PDE11A: variants seen among roughly 807,000 people sequenced by gnomAD.
The protein encoded by PDE11A is dual 3',5'-cyclic-AMP and -GMP phosphodiesterase 11A.
Under a neutral mutation model 100.5 loss-of-function variants are expected in PDE11A, and 100 were observed. The observed-to-expected ratio is 1.00, with a 90% CI of 0.85 to 1.18. PDE11A has a LOEUF of 1.18. Ranked by LOEUF, PDE11A falls within the 50% of genes most tolerant of loss-of-function variation. The probability of loss-of-function intolerance (pLI) is 0.00; values close to 1 mark genes in which losing one functional copy is unlikely to be tolerated. For synonymous variants in PDE11A, 381 were observed against 420.8 expected (o/e 0.91, Z 1.16); for missense variants, 1,141 against 1,152.6 (o/e 0.99, Z 0.15).
intron 2 of PDE11A, among the ~76,000 whole-genome samples, chr2:177,915,774 C>T (rs549952070): frequency 1.3e-5 from 2 of 152,338 alleles, no homozygotes; most frequent in African/African-American, 4.8e-5. Context: ...AACTGCTAAG[C>T]TGTCTTCCAA....
chr2:177,894,595 G>C (rs528579125), intron 4 of PDE11A, among the ~76,000 whole-genome samples: 142 of 152,268 alleles, frequency 9.3e-4, no homozygotes, highest in African/African-American at 3.0e-3. Context: ...CCGTTTTGGA[G>C]TTCATACACA....
chr2:177,881,292 C>T, intron 4 of PDE11A, among the ~76,000 whole-genome samples: 1 of 151,870 alleles, frequency 6.6e-6, no homozygotes, highest in Non-Finnish European at 1.5e-5. Flanking sequence ...ATTATGTGAG[C>T]CAATTCCTAG....
At chr2:178,073,338 G>A (rs1002124714), upstream of PDE11A, among the ~76,000 whole-genome samples, 2 of 152,158 alleles carry the variant, frequency 1.3e-5, no homozygotes, top group Non-Finnish European at 2.9e-5. Flanking sequence ...AGCAAATAAA[G>A]TTTCCGATGT....
At chr2:177,665,889 T>C (rs1289942012) in intron 18 of PDE11A, among the ~76,000 whole-genome samples, 2 of 152,046 alleles carry the variant, frequency 1.3e-5, no homozygotes, top group African/African-American at 4.8e-5. Context: ...TGTTTTCTTT[T>C]CTCTATAGTT....
intron 1 of PDE11A, among the ~76,000 whole-genome samples, chr2:178,061,392 A>T (rs548500751): frequency 6.6e-6 from 1 of 152,248 alleles, no homozygotes; most frequent in South Asian, 2.1e-4. Flanking sequence ...TCCAACAAAG[A>T]ATTATCTGTC....
chr2:178,051,474 T>C (rs1192576622), intron 1 of PDE11A, among the ~76,000 whole-genome samples: 1 of 152,156 alleles, frequency 6.6e-6, no homozygotes, highest in Non-Finnish European at 1.5e-5. Flanking sequence ...CCAGCTAACA[T>C]CATAATGACA....
Position 177,845,106 on chromosome 2 carries a change from T to C in PDE11A, c.1368-4723A>G, listed in dbSNP as rs1242125503. Among the ~76,000 whole-genome samples the C allele has an allele frequency of 2.3e-3, 323 of 138,356 alleles. 4 individuals are homozygous for C. Among genetic ancestry groups the C allele is most frequent in the Non-Finnish European group, 4.1e-3 (261 of 63,122 alleles). The allele number at this position is 138,356 out of a possible 152,430, so 90.8% of individuals were successfully genotyped here. On this transcript the variant is annotated intron_variant, in intron 5 of 19. Transcript: ENST00000286063. ...GGCAGAGGGGCTCCTCACTTCCCAG[T>C]AGGGGCAGCCGGGCAGAGGCGCTCC...
intron 2 of PDE11A, among the ~76,000 whole-genome samples, chr2:178,091,134 A>C (rs2087417761): frequency 6.6e-6 from 1 of 152,156 alleles, no homozygotes; most frequent in Non-Finnish European, 1.5e-5. Flanking sequence ...GTAGTGGCAT[A>C]ATCACAGATC....
At chr2:177,893,634 T>C (rs1009178838) in intron 4 of PDE11A, among the ~76,000 whole-genome samples, 1 of 152,192 alleles carries the variant, frequency 6.6e-6, no homozygotes, top group African/African-American at 2.4e-5. Context: ...GTTATGTAGA[T>C]AACTATTGGT....
At position 177,755,118 on chromosome 2, in the gene PDE11A, C is replaced by G. The variant is rs2082074035; in HGVS notation, c.1788+14205G>C. The stretch of plus-strand genomic sequence containing the variant: ...GGCTGATCTGAGATGACCTGATGGG[C>G]TAGTCATTAGTGAGGAGTTCCTGGA... On this transcript the variant is annotated intron_variant, in intron 10 of 19. Transcript: ENST00000286063. Among the ~76,000 whole-genome samples the G allele has an allele frequency of 2.6e-5, 4 of 152,144 alleles. 1 individual carries two copies. In the South Asian group the frequency reaches 8.3e-4, roughly 32 times the overall value.
At chr2:178,082,996 A>G (rs2087305492) in intron 2 of PDE11A, among the ~76,000 whole-genome samples, 1 of 152,170 alleles carries the variant, frequency 6.6e-6, no homozygotes, top group African/African-American at 2.4e-5. Flanking sequence ...TGGTCTGTTC[A>G]GTCAGTTGTA....
intron 5 of PDE11A, among the ~76,000 whole-genome samples, chr2:177,854,692 A>G (rs1327433456): frequency 6.6e-6 from 1 of 152,104 alleles, no homozygotes; most frequent in Non-Finnish European, 1.5e-5. Flanking sequence ...TATCTGGGTA[A>G]CTTTGTAACA....
chr2:177,788,397 A>C (rs1251428702), intron 9 of PDE11A, among the ~76,000 whole-genome samples: 1 of 150,186 alleles, frequency 6.7e-6, no homozygotes, highest in Non-Finnish European at 1.5e-5. Context: ...CAGTGTGTAG[A>C]GGGAAATTTA....
intron 9 of PDE11A, among the ~76,000 whole-genome samples, chr2:177,785,434 G>C (rs1668453131): frequency 1.3e-5 from 2 of 152,244 alleles, no homozygotes; most frequent in African/African-American, 4.8e-5. Context: ...AACAGCTCCA[G>C]TCTACAGCTC....
intron 19 of PDE11A, among the ~76,000 whole-genome samples, chr2:177,648,299 T>C (rs956249028): frequency 1.3e-5 from 2 of 151,266 alleles, no homozygotes; most frequent in African/African-American, 4.8e-5. Context: ...TTTAACTACA[T>C]TGCTAACTCC....
chr2:177,836,307 A>G (rs1360116675), intron 6 of PDE11A, among the ~76,000 whole-genome samples: 1 of 152,196 alleles, frequency 6.6e-6, no homozygotes, highest in African/African-American at 2.4e-5. Flanking sequence ...GATTGTAAAT[A>G]CACCAATCAG....
intron 15 of PDE11A, 60 bp from the exon 16 acceptor site, chr2:177,680,963 C>T: frequency 4.5e-6 from 4 of 897,638 alleles, no homozygotes; most frequent in Admixed American, 3.7e-5. Context: ...ATTTCCCAGT[C>T]TGTGGGGTGA....
chr2:177,967,735 C>A (rs952648682), intron 2 of PDE11A, among the ~76,000 whole-genome samples: 2 of 152,018 alleles, frequency 1.3e-5, no homozygotes, highest in Non-Finnish European at 2.9e-5. Flanking sequence ...GTGTGTCAAA[C>A]TATACTAGTC....
chr2:177,870,643 C>T lies in PDE11A; in HGVS notation c.1367+5216G>A, dbSNP rs550051316. On this transcript the variant is annotated intron_variant, in intron 5 of 19. Coordinates refer to ENST00000286063, the MANE Select transcript of PDE11A (RefSeq NM_016953.4). ...TGGTAATCTACTTGCAAGTAATAAA[C>T]GTAATGGCTGAGAAGATTAGTGCCA... 1.2e-4 allele frequency among the ~76,000 whole-genome samples: 18 copies of T among 152,284 alleles called. No homozygotes were observed. In the Middle Eastern group the frequency reaches 0.017, roughly 144 times the overall value.
Sources: allele counts gnomAD v4.1 joint callset (sites outside exome capture counted in the v4.1 genomes callset), GRCh38; gene constraint gnomAD v4.1.1; transcripts MANE v1.5; gene names NCBI Gene and HGNC (gene_info 2026-07-23, HGNC 2026-07-21).